The following WDR41 variants were observed in gnomAD, a reference collection of about 807,000 sequenced individuals.
The protein encoded by WDR41 is WD repeat-containing protein 41.
WDR41 carries 63 observed loss-of-function variants against 69.3 expected under a neutral mutation model. The observed-to-expected ratio is 0.91, with a 90% confidence interval of 0.74 to 1.12. The LOEUF (loss-of-function observed/expected upper bound fraction) is 1.12. Ranked by LOEUF, WDR41 falls within the 50% of genes most tolerant of loss-of-function variation. WDR41 has a pLI of 0.00. For missense variants in WDR41, 543 were observed against 534.5 expected (o/e 1.02, Z -0.16); for synonymous variants, 185 against 192.1 (o/e 0.96, Z 0.31).
At chr5:77,588,579 T>A (rs1246572511) in intron 1 of WDR41, among the ~76,000 whole-genome samples, 1 of 152,206 alleles carries the variant, frequency 6.6e-6, no homozygotes, top group Non-Finnish European at 1.5e-5. Context: ...CAATTATCAA[T>A]CTATTTCTGT....
chr5:77,608,811 G>C (rs1456568256), intron 1 of WDR41, among the ~76,000 whole-genome samples: 1 of 152,216 alleles, frequency 6.6e-6, no homozygotes, highest in East Asian at 1.9e-4. Context: ...GCGCAGGACA[G>C]GGGTGCAGTG....
chr5:77,579,654 C>A (rs191941066), intron 1 of WDR41, among the ~76,000 whole-genome samples: 16 of 152,300 alleles, frequency 1.1e-4, no homozygotes, highest in African/African-American at 3.6e-4. Flanking sequence ...ACTAGCAGAT[C>A]TTCCATACAA....
chr5:77,579,831 G>T (rs1743904465), intron 1 of WDR41, among the ~76,000 whole-genome samples: 1 of 151,858 alleles, frequency 6.6e-6, no homozygotes, highest in South Asian at 2.1e-4. Context: ...TATAAAATAA[G>T]ATGTATGTAA....
chr5:77,571,817 T>C (rs1316219835), intron 1 of WDR41, among the ~76,000 whole-genome samples: 1 of 152,204 alleles, frequency 6.6e-6, no homozygotes, highest in Admixed American at 6.5e-5. Context: ...CGTAGTTTTA[T>C]TCAAAACCTG....
intron 1 of WDR41, among the ~76,000 whole-genome samples, chr5:77,547,166 TA>T (rs762983175): frequency 2.6e-5 from 4 of 152,004 alleles, no homozygotes; most frequent in Non-Finnish European, 5.9e-5. Flanking sequence ...GCCAAAATAA[TA>T]CTGAATGGGG....
chr5:77,542,303 C>G lies in WDR41; in HGVS notation c.43-52731G>C, dbSNP rs552064691. 2.2e-4 allele frequency among the ~76,000 whole-genome samples: 33 copies of G among 152,124 alleles called. No individual in the cohort carries two copies. In the South Asian group the frequency reaches 6.0e-3, roughly 28 times the overall value. On this transcript the variant is annotated intron_variant, in intron 1 of 5. Coordinates refer to the WDR41 transcript ENST00000509971. ...TAAAGGGTGGGAGGAGGGAGAGCAT[C>G]AGGAAAAATAGCTAATGGGTGCTGG...
At chr5:77,609,945 T>C (rs1164047591) in intron 1 of WDR41, among the ~76,000 whole-genome samples, 1 of 151,858 alleles carries the variant, frequency 6.6e-6, no homozygotes, top group Non-Finnish European at 1.5e-5. Context: ...GAATAACCAA[T>C]ACAGAGAAGT....
At chr5:77,444,069 C>T (rs959821932) in intron 8 of WDR41, among the ~76,000 whole-genome samples, 10 of 151,772 alleles carry the variant, frequency 6.6e-5, no homozygotes, top group Admixed American at 2.0e-4. Flanking sequence ...TTAGTAGTGA[C>T]GGGTTTCGCC....
In WDR41 at chr5:77,433,118, A is replaced by G. The variant is rs1581683493; in HGVS notation, c.*17T>C. 6.2e-7 allele frequency: 1 copy of G among 1,604,034 alleles called. No individual in the cohort carries two copies. Among genetic ancestry groups the G allele is most frequent in the East Asian group, 2.2e-5 (1 of 44,634 alleles). ...TGATGTTCAAGGTTCATGCATGTGTATTTTTAATTCCTTAAACTAGACAGC... is the reference window on the plus strand; with the variant it reads ...TGATGTTCAAGGTTCATGCATGTGTGTTTTTAATTCCTTAAACTAGACAGC... On this transcript the variant is annotated 3_prime_UTR_variant, in exon 13 of 13. Transcript: ENST00000296679.
chr5:77,535,359 A>G (rs1362582927), intron 1 of WDR41, among the ~76,000 whole-genome samples: 1 of 152,182 alleles, frequency 6.6e-6, no homozygotes, highest in Non-Finnish European at 1.5e-5. Flanking sequence ...TCTCATAAAC[A>G]CCGAGGTTTA....
intron 1 of WDR41, among the ~76,000 whole-genome samples, chr5:77,525,935 C>T (rs892716129): frequency 1.3e-5 from 2 of 152,110 alleles, no homozygotes; most frequent in Non-Finnish European, 2.9e-5. Context: ...CACGCCAGCA[C>T]CACCCTTAGC....
At chr5:77,442,453 C>A (rs929795100) in intron 8 of WDR41, among the ~76,000 whole-genome samples, 27 of 152,050 alleles carry the variant, frequency 1.8e-4, no homozygotes, top group Admixed American at 1.6e-3. Context: ...CATACATAGG[C>A]CCAGAAAATC....
rs193132967 is a variant in WDR41 at position 77,472,296 on chromosome 5, G to A, written c.168-7487C>T. On this transcript the variant is annotated intron_variant, in intron 2 of 12. Coordinates refer to ENST00000296679, the MANE Select transcript of WDR41 (RefSeq NM_018268.4). ...TCTCAAACTAATAAGAGCTATCTGT[G>A]ACAAACCCACAGCCAATATCATACT... Among the ~76,000 whole-genome samples the A allele has an allele frequency of 7.0e-3, 1,063 of 152,202 alleles. 4 individuals are homozygous for A. Among genetic ancestry groups the A allele is most frequent in the Non-Finnish European group, 0.011 (770 of 68,026 alleles).
At chr5:77,479,556 A>G (rs1425314581) in intron 2 of WDR41, among the ~76,000 whole-genome samples, 1 of 152,180 alleles carries the variant, frequency 6.6e-6, no homozygotes, top group Non-Finnish European at 1.5e-5. Flanking sequence ...AAACCTGACA[A>G]AAACAAGAAA....
Position 77,563,652 on chromosome 5 carries a change from T to C in WDR41, c.42+56827A>G, listed in dbSNP as rs926233347. On this transcript the variant is annotated intron_variant, in intron 1 of 5. Coordinates refer to the WDR41 transcript ENST00000509971. ...CTAGAAGGTAATTACGATACAGTGC[T>C]GTGTACTCTCACGAGGAACCGGGCA... Among the ~76,000 whole-genome samples the C allele has an allele frequency of 1.7e-4, 26 of 152,202 alleles. No homozygotes were observed. In the South Asian group the frequency reaches 2.1e-3, roughly 12 times the overall value.
chr5:77,512,423 A>C (rs951134662), intron 1 of WDR41, among the ~76,000 whole-genome samples: 5 of 150,716 alleles, frequency 3.3e-5, no homozygotes, highest in African/African-American at 4.9e-5. Context: ...AGTCAGGAAG[A>C]GAGGGTGAGA....
At chr5:77,522,042 TC>T (rs1561213863) in intron 1 of WDR41, among the ~76,000 whole-genome samples, 1 of 152,200 alleles carries the variant, frequency 6.6e-6, no homozygotes, top group Non-Finnish European at 1.5e-5. Flanking sequence ...CAGGAGTTTT[TC>T]CTAGAAGAAT....
At chr5:77,438,697 G>C (rs572844972) in intron 9 of WDR41, among the ~76,000 whole-genome samples, 1 of 152,256 alleles carries the variant, frequency 6.6e-6, no homozygotes, top group East Asian at 1.9e-4. Flanking sequence ...GGGATAACCT[G>C]AGTTTTCATT....
In WDR41 at chr5:77,474,944, G is replaced by A. The variant is rs1455916447; in HGVS notation, c.168-10135C>T. Among the ~76,000 whole-genome samples the A allele has an allele frequency of 1.3e-5, 2 of 152,188 alleles. 1 individual carries two copies. The highest frequency in any genetic ancestry group is 4.8e-5 in the African/African-American group (2 of 41,448). On this transcript the variant is annotated intron_variant, in intron 2 of 12. Transcript: ENST00000296679. ...TAGGGAGTGCCAGACAGTGGGCGCA[G>A]GTCAGTGGGTGCGTGCACCGTGCGC...
Sources: allele counts gnomAD v4.1 joint callset (sites outside exome capture counted in the v4.1 genomes callset), GRCh38; gene constraint gnomAD v4.1.1; transcripts MANE v1.5; gene names NCBI Gene and HGNC (gene_info 2026-07-23, HGNC 2026-07-21).